The following CHFR variants were observed in gnomAD, a reference collection of about 807,000 sequenced individuals.
The protein encoded by CHFR is E3 ubiquitin-protein ligase CHFR.
Under a neutral mutation model 87.6 loss-of-function variants are expected in CHFR, and 57 were observed. The ratio of observed to expected loss-of-function variants is 0.65; its 90% CI spans 0.53 to 0.81. CHFR has a LOEUF of 0.81. Ranked by LOEUF, CHFR falls within the 30% of genes least tolerant of loss-of-function variation. CHFR has a pLI of 0.00. For missense variants in CHFR, 797 were observed against 865.8 expected, an observed-to-expected ratio of 0.92 and a Z score of 1.00; for synonymous variants, 381 against 359.2, an observed-to-expected ratio of 1.06 and a Z score of -0.69.
At chr12:132,872,471 G>A (rs1396656969) in intron 3 of CHFR, 77 bp from the exon 4 acceptor site, 5 of 979,998 alleles carry the variant, frequency 5.1e-6, no homozygotes, top group Non-Finnish European at 8.1e-6. Context: ...AGCACCATTA[G>A]CAAGCAGCTC....
At chr12:132,857,919 A>G (rs1209688170) in intron 8 of CHFR, among the ~76,000 whole-genome samples, 1 of 152,186 alleles carries the variant, frequency 6.6e-6, no homozygotes, top group Admixed American at 6.5e-5. Context: ...CTTCCCAGAT[A>G]AGGAGCATTT....
At chr12:132,854,515 C>T (rs947611455) in intron 10 of CHFR, 2 of 152,224 alleles carry the variant, frequency 1.3e-5, no homozygotes, top group African/African-American at 4.8e-5. Flanking sequence ...GCAGCCGAAT[C>T]CCAGCTTCAT....
chr12:132,837,068 C>T lies in CHFR; in HGVS notation c.*4486G>A. The T allele has an allele frequency of 3.0e-6, 1 of 328,510 alleles. No individual in the cohort carries two copies. The allele number at this position is 328,510 out of a possible 1,614,324, so 20.3% of individuals were successfully genotyped here. A position where few individuals can be genotyped will look rare whatever the true frequency, so the allele number is the denominator to read the frequency against. On this transcript the variant is annotated 3_prime_UTR_variant, in exon 18 of 18. Transcript: ENST00000450056. ...GAGGCTGCAGAGGGAGGGGCTGGTA[C>T]CTGAGGGGCTGTTTGTGAGAATTAG...
intron 2 of CHFR, among the ~76,000 whole-genome samples, chr12:132,878,349 A>G (rs1172178230): frequency 1.3e-5 from 2 of 151,766 alleles, no homozygotes; most frequent in Non-Finnish European, 2.9e-5. Flanking sequence ...GTTGCCTATA[A>G]TCCCAGCTAC....
At chr12:132,862,745 A>G (rs2089502759) in intron 6 of CHFR, among the ~76,000 whole-genome samples, 1 of 151,242 alleles carries the variant, frequency 6.6e-6, no homozygotes, top group Admixed American at 6.6e-5. Context: ...ATACCCAGCT[A>G]ATTTTTTTGT....
chr12:132,870,034 C>T (rs998599386), intron 5 of CHFR, among the ~76,000 whole-genome samples: 4 of 152,046 alleles, frequency 2.6e-5, no homozygotes, highest in African/African-American at 9.7e-5. Flanking sequence ...CATGGTGAAA[C>T]CCCGTCTCTA....
Position 132,872,371 on chromosome 12 carries a change from T to C in CHFR, c.257A>G (p.Lys86Arg), listed in dbSNP as rs1403538188. ...DTSTSGTVIN[K>R]LKVVKKQTCP... ...TGTCTGCTTCTTAACAACCTTCAGC[T>C]TGTTAATCACTGTTCCACTGGTGCT... The change falls in exon 4 of 18, where the codon AAG becomes AGG. Residue 86 changes from lysine to arginine, a missense_variant. Physicochemically the swap from Lys to Arg is conservative, Grantham distance 26 (BLOSUM62 2). Around this residue, in one of 2 missense-constraint regions of CHFR, gnomAD observed 597 missense variants for 601.2 expected, o/e 0.99. Transcript: ENST00000450056. The C allele has an allele frequency of 1.9e-6, 3 of 1,613,202 alleles. No homozygotes were observed. The highest frequency in any genetic ancestry group is 3.3e-5 in the Admixed American group (2 of 60,006).
intron 5 of CHFR, among the ~76,000 whole-genome samples, chr12:132,870,455 C>T (rs781181121): frequency 2.7e-5 from 4 of 150,672 alleles, no homozygotes; most frequent in Non-Finnish European, 4.4e-5. Flanking sequence ...CTCTCGAACC[C>T]GGCAGGAGGA....
At position 132,858,932 on chromosome 12, in the gene CHFR, C is replaced by G. The variant is rs1175047134; in HGVS notation, c.911+136G>C. The G allele has an allele frequency of 2.4e-5, 19 of 797,078 alleles. No homozygotes were observed. The East Asian group carries it at 5.5e-4, about 23-fold the overall frequency. The allele number at this position is 797,078 out of a possible 1,614,324, so 49.4% of individuals were successfully genotyped here. On this transcript the variant is annotated intron_variant, in intron 8 of 17. Coordinates refer to ENST00000450056, the MANE Select transcript of CHFR (RefSeq NM_001161346.2). ...CACTCCACCCACTCCACCCACTTAT[C>G]TGGGTGACAGAGTAACCTCAGCAGA...
intron 11 of CHFR, 104 bp downstream of exon 11, chr12:132,853,327 T>C: frequency 3.2e-6 from 4 of 1,254,902 alleles, no homozygotes; most frequent in South Asian, 1.8e-5. Context: ...GGGCGAGCAG[T>C]GCAGACAGGA....
chr12:132,858,049 G>A (rs901132977), intron 8 of CHFR, among the ~76,000 whole-genome samples: 1 of 152,172 alleles, frequency 6.6e-6, no homozygotes, highest in Non-Finnish European at 1.5e-5. Context: ...CCTCCTTGTT[G>A]GTGCCACGAG....
In CHFR at chr12:132,835,398, T is replaced by C. The variant is rs1950638267; in HGVS notation, c.*6156A>G. 6.6e-6 allele frequency: 1 copy of C among 152,508 alleles called. No homozygotes were observed. Among genetic ancestry groups the C allele is most frequent in the Non-Finnish European group, 1.5e-5 (1 of 68,312 alleles). The allele number at this position is 152,508 out of a possible 1,614,324, so 9.4% of individuals were successfully genotyped here. On this transcript the variant is annotated 3_prime_UTR_variant, in exon 18 of 18. Coordinates refer to ENST00000450056, the MANE Select transcript of CHFR (RefSeq NM_001161346.2). ...TGCAGACATGGAACACGTCATGAAT[T>C]TGGGTGTCATGCCTGCACGTGGGCC...
intron 2 of CHFR, 41 bp downstream of exon 2, chr12:132,887,155 C>G (rs1488910071): frequency 1.4e-6 from 2 of 1,432,368 alleles, no homozygotes; most frequent in Non-Finnish European, 1.8e-6. Context: ...CCCGGTGGCT[C>G]TGCCCGGCCC....
chr12:132,853,912 C>G (rs1951005928), intron 10 of CHFR: 1 of 271,354 alleles, frequency 3.7e-6, no homozygotes. Context: ...CCGTGCTCCT[C>G]AGGACCCGCC....
chr12:132,857,034 G>A (rs1951090619), intron 9 of CHFR, among the ~76,000 whole-genome samples: 1 of 105,374 alleles, frequency 9.5e-6, no homozygotes, highest in African/African-American at 3.9e-5. Context: ...CTGGTGGAGG[G>A]ACCACCCTCA....
intron 8 of CHFR, among the ~76,000 whole-genome samples, chr12:132,858,259 C>A (rs914113099): frequency 2.0e-5 from 3 of 152,112 alleles, no homozygotes; most frequent in African/African-American, 4.8e-5. Flanking sequence ...ACTTGGGAGG[C>A]TGAGGCAGGA....
At chr12:132,864,187 A>AG (rs1951280020) in intron 6 of CHFR, among the ~76,000 whole-genome samples, 7 of 151,384 alleles carry the variant, frequency 4.6e-5, no homozygotes, top group South Asian at 2.1e-4. Flanking sequence ...AAAAAAAAAA[A>AG]CACAAGAAAC....
rs908433616 is a variant in CHFR, at chr12:132,861,531, G to T, written c.687C>A (p.Ser229=). ...GATCCTGGGGTTCCAACGACGAAAA[G>T]GACGCAGTCTTTCTGTCTGGGAGAG... is the stretch of plus-strand genomic sequence containing the variant. The part of the protein sequence containing the change: ...ASALPDRKTA[S]FSSLEPQDQE... Residue 229 remains serine, a synonymous_variant, in exon 7 of 18, where the codon TCC becomes TCA. Coordinates refer to ENST00000450056, the MANE Select transcript of CHFR (RefSeq NM_001161346.2). The T allele has an allele frequency of 6.2e-7, 1 of 1,614,222 alleles. No individual in the cohort carries two copies. Among genetic ancestry groups the T allele is most frequent in the South Asian group, 1.1e-5 (1 of 91,084 alleles).
At chr12:132,847,196 G>C in intron 14 of CHFR, 66 bp from the exon 15 acceptor site, 1 of 1,598,878 alleles carries the variant, frequency 6.3e-7, no homozygotes, top group South Asian at 1.1e-5. Flanking sequence ...GAAATAACGA[G>C]AGAAAACATT....
Sources: gnomAD v4.1 joint callset for allele counts (sites outside exome capture counted in the v4.1 genomes callset) on GRCh38, gnomAD v4.1.1 for gene constraint, gnomAD v4.1.1 regional missense constraint, MANE v1.5 for transcripts, NCBI Gene and HGNC (gene_info 2026-07-23, HGNC 2026-07-21) for gene names.